Variants in CDH13 observed in about 807,000 individuals in gnomAD.
CDH13 encodes the protein cadherin-13.
A neutral mutation model predicts 63.8 loss-of-function variants in CDH13; 24 were observed. The ratio of observed to expected loss-of-function variants is 0.38; its 90% CI spans 0.27 to 0.53. CDH13 has a LOEUF of 0.53. CDH13 is among the 20% of genes least tolerant of loss of function. The pLI is 0.85. For synonymous variants in CDH13, 503 were observed against 355.3 expected (o/e 1.42, Z -4.67); for missense variants, 1,049 against 903.1 (o/e 1.16, Z -2.07).
intron 1 of CDH13, among the ~76,000 whole-genome samples, chr16:82,799,629 T>G (rs2151157215): frequency 6.6e-6 from 1 of 152,348 alleles, no homozygotes; most frequent in African/African-American, 2.4e-5. Flanking sequence ...ATCAGTGACC[T>G]TGGGAGATAG....
chr16:82,852,492 C>A (rs1733156905), intron 1 of CDH13, among the ~76,000 whole-genome samples: 1 of 152,154 alleles, frequency 6.6e-6, no homozygotes, highest in Admixed American at 6.5e-5. Flanking sequence ...GCAGGACATT[C>A]AGGGGCCATG....
At chr16:83,278,195 A>G (rs2089052668) in intron 5 of CDH13, among the ~76,000 whole-genome samples, 1 of 152,310 alleles carries the variant, frequency 6.6e-6, no homozygotes, top group African/African-American at 2.4e-5. Context: ...AACCAAATCC[A>G]TCTGGATTTT....
At chr16:83,334,546 A>AG (rs1265867859) in intron 5 of CDH13, among the ~76,000 whole-genome samples, 1 of 151,032 alleles carries the variant, frequency 6.6e-6, no homozygotes. Context: ...TAGTTTAAAA[A>AG]AAAAAAAATA....
intron 7 of CDH13, among the ~76,000 whole-genome samples, chr16:83,559,635 G>A (rs1695918586): frequency 6.6e-6 from 1 of 151,956 alleles, no homozygotes; most frequent in Non-Finnish European, 1.5e-5. Flanking sequence ...AAGAAAAAGA[G>A]AGAGAGGGAG....
At chr16:83,373,567 G>A (rs2091410226) in intron 6 of CDH13, among the ~76,000 whole-genome samples, 1 of 152,154 alleles carries the variant, frequency 6.6e-6, no homozygotes, top group Admixed American at 6.5e-5. Context: ...AGTAGAAAGG[G>A]CTGGAAAGGC....
In CDH13 at chr16:83,589,631, C is replaced by G. The variant is rs547234779; in HGVS notation, c.961-12823C>G. On this transcript the variant is annotated intron_variant, in intron 7 of 13. Transcript: ENST00000567109. ...ATAGAAGATACGAGAGCTTCTAGAT[C>G]CAAAAGCCTGGTGGCATTTAGAGCT... Among the ~76,000 whole-genome samples, 3 of 152,182 alleles carry G rather than the reference C, an allele frequency of 2.0e-5. No homozygotes were observed. In the East Asian group the frequency reaches 5.8e-4, roughly 30 times the overall value.
At chr16:83,685,225 GA>G (rs1904293765) in intron 10 of CDH13, among the ~76,000 whole-genome samples, 1 of 152,192 alleles carries the variant, frequency 6.6e-6, no homozygotes, top group Non-Finnish European at 1.5e-5. Flanking sequence ...ATTTGACTGG[GA>G]AGCAATGTGC....
chr16:82,794,208 T>A (rs530617073), intron 1 of CDH13, among the ~76,000 whole-genome samples: 2 of 151,328 alleles, frequency 1.3e-5, no homozygotes, highest in African/African-American at 4.8e-5. Context: ...TCATCAGCTG[T>A]CGTTAGTGTT....
chr16:82,842,045 CCTCCCTGTATTT>C (rs1326545662), intron 1 of CDH13, among the ~76,000 whole-genome samples: 2 of 145,408 alleles, frequency 1.4e-5, no homozygotes, highest in East Asian at 4.1e-4. Flanking sequence ...GAATTCCCTC[CCTCCCTGTATTT>C]CTCCCTTGAA....
intron 6 of CDH13, among the ~76,000 whole-genome samples, chr16:83,372,997 C>T (rs898525149): frequency 6.6e-6 from 1 of 152,034 alleles, no homozygotes; most frequent in African/African-American, 2.4e-5. Context: ...AGAAAGAATG[C>T]ATTAAGATAG....
At chr16:83,528,630 A>C (rs886350305) in intron 7 of CDH13, among the ~76,000 whole-genome samples, 1 of 152,130 alleles carries the variant, frequency 6.6e-6, no homozygotes, top group Non-Finnish European at 1.5e-5. Flanking sequence ...AAATTCTCCA[A>C]CTGTTTCCAT....
chr16:83,750,288 T>G (rs1912973639), intron 11 of CDH13, among the ~76,000 whole-genome samples: 2 of 151,934 alleles, frequency 1.3e-5, no homozygotes, highest in Admixed American at 6.6e-5. Flanking sequence ...AGAGTGAGAC[T>G]CCATCTCAAA....
intron 6 of CDH13, among the ~76,000 whole-genome samples, chr16:83,383,998 G>GTA (rs1326632049): frequency 6.6e-6 from 1 of 152,056 alleles, no homozygotes; most frequent in East Asian, 1.9e-4. Flanking sequence ...ATATATGGGT[G>GTA]TACACATATA....
chr16:83,212,803 T>G (rs1370680331), intron 4 of CDH13, among the ~76,000 whole-genome samples: 1 of 152,178 alleles, frequency 6.6e-6, no homozygotes, highest in Non-Finnish European at 1.5e-5. Flanking sequence ...TACCCTGATT[T>G]CTGATACAAG....
chr16:83,602,624 A>G (rs1907959683), intron 8 of CDH13, 30 bp downstream of exon 8: 1 of 1,611,106 alleles, frequency 6.2e-7, no homozygotes, highest in South Asian at 1.1e-5. Flanking sequence ...ACCAACCACC[A>G]CTGTGGTCAC....
intron 5 of CDH13, among the ~76,000 whole-genome samples, chr16:83,237,833 G>A (rs1157029948): frequency 1.3e-5 from 2 of 152,168 alleles, no homozygotes; most frequent in Non-Finnish European, 2.9e-5. Context: ...CGTGGAACTG[G>A]GCAAATAATA....
chr16:83,647,119 T>G lies in CDH13; in HGVS notation c.1102-23671T>G, dbSNP rs866600318. On this transcript the variant is annotated intron_variant, in intron 8 of 13. Coordinates refer to ENST00000567109, the MANE Select transcript of CDH13 (RefSeq NM_001257.5). ...AGGTCAGGAGATCGAGACCATCCTG[T>G]ATAACACGGTGAAATCCCGTCTCTA... Among the ~76,000 whole-genome samples the G allele has an allele frequency of 8.4e-4, 127 of 151,886 alleles. 1 individual carries two copies. Among genetic ancestry groups the G allele is most frequent in the African/African-American group, 2.9e-3 (119 of 41,428 alleles).
chr16:83,166,972 T>G (rs1054886369), intron 4 of CDH13, among the ~76,000 whole-genome samples: 2 of 152,122 alleles, frequency 1.3e-5, no homozygotes, highest in African/African-American at 4.8e-5. Flanking sequence ...GCAGTTGGAT[T>G]TTATATGTGA....
At chr16:82,723,457 C>CTGTGGGA (rs1157289848) in intron 1 of CDH13, among the ~76,000 whole-genome samples, 2 of 152,108 alleles carry the variant, frequency 1.3e-5, no homozygotes, top group Non-Finnish European at 2.9e-5. Flanking sequence ...GGATTCTGGT[C>CTGTGGGA]TGTGGGATGT....
Sources: allele counts gnomAD v4.1 joint callset (sites outside exome capture counted in the v4.1 genomes callset), GRCh38; gene constraint gnomAD v4.1.1; transcripts MANE v1.5; gene names NCBI Gene and HGNC (gene_info 2026-07-23, HGNC 2026-07-21).